KIF13A: variants seen among roughly 807,000 people sequenced by gnomAD.
KIF13A encodes the protein kinesin-like protein KIF13A.
KIF13A carries 79 observed loss-of-function variants against 212.2 expected under a neutral mutation model. The observed-to-expected ratio is 0.37, with a 90% CI of 0.31 to 0.45. The LOEUF is 0.45. Ranked by LOEUF, KIF13A falls within the 20% of genes least tolerant of loss-of-function variation. The probability of loss-of-function intolerance (pLI) is 1.00; values close to 1 mark genes in which losing one functional copy is unlikely to be tolerated. For missense variants in KIF13A, 1,901 were observed against 2,209.0 expected (o/e 0.86, Z 2.79); for synonymous variants, 789 against 808.6 (o/e 0.98, Z 0.41).
Position 17,799,310 on chromosome 6 carries a change from G to A in KIF13A, c.2746C>T (p.Gln916Ter). Residue 916 changes from glutamine (Q) to a stop codon, truncating the protein, a stop_gained, in exon 22 of 39, where the codon CAG (glutamine) becomes TAG (stop). Coordinates refer to ENST00000259711, the MANE Select transcript of KIF13A (RefSeq NM_022113.6). LOFTEE classifies it high-confidence loss of function. This position sits in a 1 kb window ranked among gnomAD's most constrained non-coding sequence, Gnocchi z 4.4. ...PVVDPEVPSP[Q>*]SKDAQYTVTF... ...ACTGTGTACTGGGCATCCTTGGACT[G>A]TGGTGAAGGCACCTCGGGGTCCACC... 6.2e-7 allele frequency: 1 copy of A among 1,613,408 alleles called. No homozygotes were observed. Among genetic ancestry groups the A allele is most frequent in the Non-Finnish European group, 8.5e-7 (1 of 1,179,610 alleles).
At chr6:17,986,254 C>G (rs1445742096) in intron 2 of KIF13A, among the ~76,000 whole-genome samples, 4 of 152,132 alleles carry the variant, frequency 2.6e-5, no homozygotes, top group Non-Finnish European at 4.4e-5. Flanking sequence ...TGAATGAATT[C>G]CAACCGATTT....
intron 2 of KIF13A, among the ~76,000 whole-genome samples, chr6:17,974,881 T>C (rs1452856672): frequency 6.6e-6 from 1 of 152,214 alleles, no homozygotes. Flanking sequence ...TAACCACATG[T>C]CAAGTATTCA....
chr6:17,774,149 G>T (rs925430700), intron 35 of KIF13A, among the ~76,000 whole-genome samples: 1 of 152,202 alleles, frequency 6.6e-6, no homozygotes, highest in Non-Finnish European at 1.5e-5. Context: ...AACTTATCAG[G>T]AGTTGATTGC....
intron 2 of KIF13A, among the ~76,000 whole-genome samples, chr6:17,907,727 C>T (rs769050391): frequency 4.6e-5 from 7 of 152,110 alleles, no homozygotes; most frequent in Non-Finnish European, 7.3e-5. Context: ...ACAGCTGGAA[C>T]AAAGCTAGAG....
chr6:17,830,384 T>C lies in KIF13A; in HGVS notation c.1401+717A>G, dbSNP rs145694676. Among the ~76,000 whole-genome samples, 917 of 152,326 alleles carry C rather than the reference T, an allele frequency of 6.0e-3. 12 individuals carry two copies. Among genetic ancestry groups the C allele is most frequent in the African/African-American group, 0.02 (849 of 41,562 alleles). On this transcript the variant is annotated intron_variant, in intron 13 of 38. Coordinates refer to ENST00000259711, the MANE Select transcript of KIF13A (RefSeq NM_022113.6). Reference sequence around the variant, plus strand: ...ACGTTTATGTTTGTAGTTTAAAATGTTCTCAGTCTTAGGGTCCAATACAGT... The same window carrying C: ...ACGTTTATGTTTGTAGTTTAAAATGCTCTCAGTCTTAGGGTCCAATACAGT...
At chr6:17,802,258 G>C (rs9396805) in intron 20 of KIF13A, among the ~76,000 whole-genome samples, 1 of 151,584 alleles carries the variant, frequency 6.6e-6, no homozygotes, top group East Asian at 1.9e-4. Context: ...GGGAAGAAAG[G>C]AAATAAAAGA....
At chr6:17,858,692 C>A (rs1768399271) in intron 4 of KIF13A, among the ~76,000 whole-genome samples, 1 of 152,170 alleles carries the variant, frequency 6.6e-6, no homozygotes. Flanking sequence ...GGTCCTCAGC[C>A]AGACCTAAGT....
At chr6:17,815,572 C>CGAA (rs1763854869) in intron 17 of KIF13A, 2 of 426,522 alleles carry the variant, frequency 4.7e-6, no homozygotes, top group Admixed American at 4.8e-5. Flanking sequence ...CACTTGTCTT[C>CGAA]TGGTCACTTC....
intron 2 of KIF13A, among the ~76,000 whole-genome samples, chr6:17,969,661 T>A (rs1382427307): frequency 6.6e-6 from 1 of 152,200 alleles, no homozygotes; most frequent in African/African-American, 2.4e-5. Context: ...TGAGGGCTTC[T>A]CTGTTAAAAT....
chr6:17,795,428 CAA>C (rs75554746), intron 23 of KIF13A, among the ~76,000 whole-genome samples: 45 of 91,728 alleles, frequency 4.9e-4, no homozygotes, highest in Admixed American at 5.9e-4. Context: ...ACCAAAAATA[CAA>C]AAAAAAAAAA....
chr6:17,890,764 C>A (rs1234716239), intron 3 of KIF13A, among the ~76,000 whole-genome samples: 3 of 146,434 alleles, frequency 2.0e-5, no homozygotes, highest in Non-Finnish European at 3.0e-5. Flanking sequence ...GCAGCTGGGA[C>A]TACAGGGACA....
Position 17,771,819 on chromosome 6 carries a change from C to T in KIF13A, c.4476+89G>A, listed in dbSNP as rs1759522667. On this transcript the variant is annotated intron_variant, in intron 37 of 38. Coordinates refer to ENST00000259711, the MANE Select transcript of KIF13A (RefSeq NM_022113.6). The surrounding 1 kb of genome is among the most constrained non-coding windows in gnomAD (Gnocchi z 5.4). ...AGTGATGACCGTGCATGTCCACATG[C>T]AGCACTCAGCTTGTTAATGCACACT... is the stretch of plus-strand genomic sequence containing the variant. 7 of 1,251,686 alleles carry T rather than the reference C, an allele frequency of 5.6e-6. No homozygotes were observed. The highest frequency in any genetic ancestry group is 8.0e-6 in the Non-Finnish European group (7 of 872,990). The allele number at this position is 1,251,686 out of a possible 1,614,324, so 77.5% of individuals were successfully genotyped here. A position where few individuals can be genotyped will look rare whatever the true frequency, so the allele number is the denominator to read the frequency against.
In KIF13A at chr6:17,919,146, G is replaced by A. The variant is rs1774814532; in HGVS notation, c.147-20966C>T. Among the ~76,000 whole-genome samples, 1 of 152,198 alleles carries A rather than the reference G, an allele frequency of 6.6e-6. No homozygotes were observed. The highest frequency in any genetic ancestry group is 2.1e-4 in the South Asian group (1 of 4,830). On this transcript the variant is annotated intron_variant, in intron 2 of 38. Coordinates refer to ENST00000259711, the MANE Select transcript of KIF13A (RefSeq NM_022113.6). The surrounding 1 kb of genome is among the most constrained non-coding windows in gnomAD (Gnocchi z 4.1). ...CTCCACTCTTTGGATTGAAGACCAA[G>A]TAAACATACATATAGTGCTGTGTTT...
At chr6:17,801,930 G>A (rs1017384742) in intron 20 of KIF13A, among the ~76,000 whole-genome samples, 1 of 152,154 alleles carries the variant, frequency 6.6e-6, no homozygotes, top group African/African-American at 2.4e-5. Flanking sequence ...GTTTAACCGT[G>A]TTTTTCTTAA....
At chr6:17,780,969 A>C in intron 30 of KIF13A, 63 bp from the exon 31 acceptor site, 4 of 1,464,526 alleles carry the variant, frequency 2.7e-6, no homozygotes, top group Non-Finnish European at 3.8e-6. Context: ...GCAGTTTTAC[A>C]GGACATACAA....
chr6:17,806,166 C>G (rs1762931909), intron 18 of KIF13A, among the ~76,000 whole-genome samples: 1 of 152,072 alleles, frequency 6.6e-6, no homozygotes, highest in African/African-American at 2.4e-5. Context: ...CTCCTGTACT[C>G]AAGCGATCTG....
intron 17 of KIF13A, chr6:17,815,640 G>A: frequency 4.6e-6 from 2 of 436,786 alleles, no homozygotes; most frequent in Non-Finnish European, 4.7e-6. Context: ...GGTGATAACT[G>A]TAGAACAAAG....
intron 3 of KIF13A, among the ~76,000 whole-genome samples, chr6:17,891,325 C>A (rs543572848): frequency 6.6e-6 from 1 of 152,212 alleles, no homozygotes; most frequent in Non-Finnish European, 1.5e-5. Flanking sequence ...TGGTACAAAG[C>A]AATTTATAAA....
intron 2 of KIF13A, among the ~76,000 whole-genome samples, chr6:17,937,368 T>C (rs1776553812): frequency 1.3e-5 from 2 of 152,296 alleles, no homozygotes; most frequent in Non-Finnish European, 2.9e-5. Context: ...CTCCTGAGGT[T>C]GCATTGATCT....
Sources: allele counts gnomAD v4.1 joint callset (sites outside exome capture counted in the v4.1 genomes callset), GRCh38; gene constraint gnomAD v4.1.1; non-coding constraint Gnocchi (gnomAD v3.1); transcripts MANE v1.5; gene names NCBI Gene and HGNC (gene_info 2026-07-23, HGNC 2026-07-21).